The following DLGAP2 variants were observed in gnomAD, a reference collection of about 807,000 sequenced individuals.
DLGAP2 encodes the protein disks large-associated protein 2.
Under a neutral mutation model 100.3 loss-of-function variants are expected in DLGAP2, and 26 were observed. The observed-to-expected ratio is 0.26, with a 90% CI of 0.19 to 0.36. DLGAP2 has a LOEUF of 0.36. Ranked by LOEUF, DLGAP2 falls within the 10% of genes least tolerant of loss-of-function variation. The pLI, the probability that DLGAP2 is intolerant of heterozygous loss-of-function variation, is 1.00. For missense variants in DLGAP2, 1,858 were observed against 1,453.2 expected, an observed-to-expected ratio of 1.28 and a Z score of -4.53; for synonymous variants, 886 against 630.1, an observed-to-expected ratio of 1.41 and a Z score of -6.08.
At chr8:882,449 C>T (rs1369278915) in intron 1 of DLGAP2, among the ~76,000 whole-genome samples, 2 of 129,346 alleles carry the variant, frequency 1.5e-5, no homozygotes, top group East Asian at 2.6e-4. Flanking sequence ...GGTACCTCTC[C>T]CTGCGGAGGC....
intron 2 of DLGAP2, among the ~76,000 whole-genome samples, chr8:1,178,558 C>G (rs1562923): frequency 6.6e-6 from 1 of 151,968 alleles, no homozygotes; most frequent in African/African-American, 2.4e-5. Flanking sequence ...CGAAAGGCAC[C>G]TTTTTAGGCA....
intron 3 of DLGAP2, among the ~76,000 whole-genome samples, chr8:1,421,500 G>T (rs1254322520): frequency 6.6e-6 from 1 of 152,102 alleles, no homozygotes; most frequent in Non-Finnish European, 1.5e-5. Context: ...TACGTACTCA[G>T]CCTTTCTATA....
At chr8:1,544,892 C>G (rs1378827003) in intron 4 of DLGAP2, among the ~76,000 whole-genome samples, 1 of 151,964 alleles carries the variant, frequency 6.6e-6, no homozygotes, top group Non-Finnish European at 1.5e-5. Flanking sequence ...GCCACCATGC[C>G]CAGCTTATGT....
At chr8:916,342 C>T (rs1310594065) in intron 2 of DLGAP2, among the ~76,000 whole-genome samples, 1 of 152,180 alleles carries the variant, frequency 6.6e-6, no homozygotes, top group Non-Finnish European at 1.5e-5. Context: ...GAATACTATG[C>T]AGCCATAAAA....
At chr8:1,172,218 C>G (rs868461103) in intron 2 of DLGAP2, among the ~76,000 whole-genome samples, 25 of 152,302 alleles carry the variant, frequency 1.6e-4, no homozygotes, top group African/African-American at 5.3e-4. Context: ...GGCCCCCACT[C>G]TCTTCTGGCT....
In DLGAP2 at chr8:774,930, T is replaced by C. The variant is rs544618299; in HGVS notation, c.18+37105T>C. Among the ~76,000 whole-genome samples the C allele has an allele frequency of 1.2e-3, 183 of 150,008 alleles. 2 individuals carry two copies. The highest frequency in any genetic ancestry group is 4.4e-3 in the African/African-American group (179 of 41,050). On this transcript the variant is annotated intron_variant, in intron 1 of 14. Transcript: ENST00000637795. ...TGGGGATGGCATTGAATCTGTAAAT[T>C]ACCTTGGGCAGTATGGCCATTTTCA...
rs73181072 is a variant in DLGAP2 at position 899,942 on chromosome 8, C to T, written c.19-7970C>T. Among the ~76,000 whole-genome samples the T allele has an allele frequency of 1.2e-3, 188 of 152,292 alleles. 1 individual carries two copies. The highest frequency in any genetic ancestry group is 2.4e-3 in the Non-Finnish European group (165 of 68,024). On this transcript the variant is annotated intron_variant, in intron 1 of 14. Coordinates refer to ENST00000637795, the MANE Select transcript of DLGAP2 (RefSeq NM_001346810.2). ...CATGCACCCTCCCTCCCGAGGCCAG[C>T]GGGAACAGCGAGAATCACCATCCCA...
chr8:998,979 G>A (rs952088485), intron 2 of DLGAP2, among the ~76,000 whole-genome samples: 7 of 152,052 alleles, frequency 4.6e-5, no homozygotes, highest in African/African-American at 1.5e-4. Flanking sequence ...AGCATGCTTG[G>A]GTCATGTTAC....
intron 2 of DLGAP2, among the ~76,000 whole-genome samples, chr8:926,392 C>T (rs1798816302): frequency 6.6e-6 from 1 of 152,200 alleles, no homozygotes; most frequent in South Asian, 2.1e-4. Context: ...CTGTGTGGCC[C>T]TGGCCCTGTG....
chr8:1,381,322 A>G (rs2129765845), intron 3 of DLGAP2: 1 of 152,342 alleles, frequency 6.6e-6, no homozygotes. Flanking sequence ...GTTAGCAAAG[A>G]CATGAAAAAA....
intron 4 of DLGAP2, among the ~76,000 whole-genome samples, chr8:1,503,758 C>T (rs1220750972): frequency 6.6e-6 from 1 of 152,054 alleles, no homozygotes; most frequent in Non-Finnish European, 1.5e-5. Flanking sequence ...GGGGGTTGGC[C>T]ATTGTAAGAA....
intron 1 of DLGAP2, chr8:740,430 T>C (rs1425940738): frequency 1.3e-5 from 2 of 152,242 alleles, no homozygotes; most frequent in Non-Finnish European, 2.9e-5. Context: ...GATTTTTAGT[T>C]TTGTAGAATT....
intron 2 of DLGAP2, among the ~76,000 whole-genome samples, chr8:1,115,871 G>T (rs571446122): frequency 6.6e-5 from 10 of 152,338 alleles, no homozygotes; most frequent in Admixed American, 6.5e-4. Flanking sequence ...ACACACAGGG[G>T]ACTGTGCCAG....
At chr8:1,649,800 C>G (rs369764036) in intron 8 of DLGAP2, among the ~76,000 whole-genome samples, 1 of 152,074 alleles carries the variant, frequency 6.6e-6, no homozygotes, top group Non-Finnish European at 1.5e-5. Flanking sequence ...CTTTGAAAAT[C>G]CCAGTGGATT....
At chr8:1,622,953 G>T (rs1235727155) in intron 6 of DLGAP2, among the ~76,000 whole-genome samples, 2 of 152,122 alleles carry the variant, frequency 1.3e-5, no homozygotes, top group Non-Finnish European at 2.9e-5. Context: ...GCCACCGGAG[G>T]GTGCATCCCC....
intron 2 of DLGAP2, among the ~76,000 whole-genome samples, chr8:1,213,876 T>G (rs1323550516): frequency 6.6e-6 from 1 of 152,182 alleles, no homozygotes; most frequent in Non-Finnish European, 1.5e-5. Context: ...CATGGCAGAC[T>G]CCGCCCCATC....
At chr8:1,576,183 CATT>C (rs1351970935) in intron 6 of DLGAP2, among the ~76,000 whole-genome samples, 1 of 152,156 alleles carries the variant, frequency 6.6e-6, no homozygotes, top group African/African-American at 2.4e-5. Context: ...GATGGTGTCT[CATT>C]GTGGTTTTGA....
At chr8:1,317,247 G>C (rs373652346) in intron 3 of DLGAP2, among the ~76,000 whole-genome samples, 115 of 100,860 alleles carry the variant, frequency 1.1e-3, no homozygotes, top group East Asian at 5.4e-3. Context: ...AAAATAGAGC[G>C]TGTGCGAGTG....
intron 2 of DLGAP2, among the ~76,000 whole-genome samples, chr8:1,257,774 G>A (rs1462255834): frequency 6.6e-6 from 1 of 151,946 alleles, no homozygotes; most frequent in South Asian, 2.1e-4. Context: ...CCTCCCGAGG[G>A]CCCGTGCAGG....
Sources: allele counts gnomAD v4.1 joint callset (sites outside exome capture counted in the v4.1 genomes callset), GRCh38; gene constraint gnomAD v4.1.1; transcripts MANE v1.5; gene names NCBI Gene and HGNC (gene_info 2026-07-23, HGNC 2026-07-21).